The following RYK variants were observed in gnomAD, a reference collection of about 807,000 sequenced individuals.
RYK encodes inactive tyrosine-protein kinase RYK.
RYK carries 21 observed loss-of-function variants against 70.2 expected under a neutral mutation model. The ratio of observed to expected loss-of-function variants is 0.30; its 90% confidence interval spans 0.21 to 0.43. The LOEUF (loss-of-function observed/expected upper bound fraction) is 0.43, where lower values mean the gene tolerates loss of function less well. Ranked by LOEUF, RYK falls within the 20% of genes least tolerant of loss-of-function variation. The pLI is 1.00. For synonymous variants in RYK, 267 were observed against 278.0 expected (o/e 0.96, Z 0.39); for missense variants, 604 against 753.3 (o/e 0.80, Z 2.32).
intron 10 of RYK, 112 bp downstream of exon 10, chr3:134,182,890 G>A (rs1252571355): frequency 1.3e-5 from 7 of 550,420 alleles, no homozygotes; most frequent in Non-Finnish European, 2.1e-5. Flanking sequence ...AAAAAATTAA[G>A]CTATTCCACA....
intron 6 of RYK, among the ~76,000 whole-genome samples, chr3:134,198,807 T>C (rs559607500): frequency 6.6e-6 from 1 of 152,346 alleles, no homozygotes; most frequent in South Asian, 2.1e-4. Flanking sequence ...AAATAGTTAC[T>C]GAGTATTTTA....
chr3:134,209,095 A>G (rs890082740), intron 4 of RYK, among the ~76,000 whole-genome samples: 2 of 152,140 alleles, frequency 1.3e-5, no homozygotes, highest in Admixed American at 1.3e-4. Context: ...TATCCACTCG[A>G]TTTCTTCAGT....
intron 10 of RYK, chr3:134,178,510 C>CAAAA (rs761026867): frequency 6.7e-6 from 1 of 150,126 alleles, no homozygotes; most frequent in East Asian, 1.9e-4. Context: ...ATATGATCAT[C>CAAAA]AAAAAAGGTC....
chr3:134,196,581 A>AC (rs1560012068), intron 6 of RYK, among the ~76,000 whole-genome samples: 2 of 106,538 alleles, frequency 1.9e-5, no homozygotes, highest in African/African-American at 6.5e-5. Context: ...CTCTGAAACA[A>AC]AACACACACA....
chr3:134,166,665 G>GGGCT (rs1288761419), intron 13 of RYK, among the ~76,000 whole-genome samples: 5 of 152,088 alleles, frequency 3.3e-5, no homozygotes, highest in African/African-American at 4.8e-5. Context: ...CAGAACACTG[G>GGGCT]GGCTATCTGA....
chr3:134,224,726 A>G (rs908288008), intron 1 of RYK, among the ~76,000 whole-genome samples: 1 of 152,186 alleles, frequency 6.6e-6, no homozygotes, highest in African/African-American at 2.4e-5. Flanking sequence ...TTACCGCTAG[A>G]CCAAGGAGCC....
chr3:134,234,290 C>T (rs74455985), intron 1 of RYK, among the ~76,000 whole-genome samples: 17,068 of 152,052 alleles, frequency 0.11, 1,015 homozygotes, highest in Middle Eastern at 0.16. Flanking sequence ...ACATTTGTAA[C>T]GACATTATCT....
At chr3:134,218,352 TA>T in intron 2 of RYK, among the ~76,000 whole-genome samples, 1 of 152,310 alleles carries the variant, frequency 6.6e-6, no homozygotes, top group East Asian at 1.9e-4. Flanking sequence ...GCACAGAGGA[TA>T]CCCTTTAAGG....
intron 9 of RYK, among the ~76,000 whole-genome samples, chr3:134,186,205 C>A (rs2013454806): frequency 6.6e-6 from 1 of 152,122 alleles, no homozygotes; most frequent in African/African-American, 2.4e-5. Context: ...TTCAATTTCA[C>A]AATATTTAGT....
chr3:134,177,747 T>C (rs891066321), intron 11 of RYK, among the ~76,000 whole-genome samples, 194 bp downstream of exon 11: 5 of 151,880 alleles, frequency 3.3e-5, no homozygotes, highest in African/African-American at 1.2e-4. Flanking sequence ...ATCAGCACAG[T>C]GTAAGCCTCA....
intron 13 of RYK, among the ~76,000 whole-genome samples, chr3:134,174,580 A>G (rs191240763): frequency 1.8e-4 from 28 of 152,332 alleles, no homozygotes; most frequent in African/African-American, 6.5e-4. Context: ...CTGAGTGAAC[A>G]TATGTGGGAC....
intron 13 of RYK, among the ~76,000 whole-genome samples, chr3:134,161,921 T>G (rs1183460850): frequency 6.6e-6 from 1 of 152,224 alleles, no homozygotes. Context: ...ACTGCTCTGA[T>G]AGCTAGAAGT....
At position 134,209,835 on chromosome 3, in the gene RYK, TA is replaced by T; in HGVS notation, c.455-7del. On this transcript the variant is annotated splice_region_variant and splice_polypyrimidine_tract_variant and intron_variant, in intron 3 of 14. Transcript: ENST00000623711. ...GGAAAGCTCTACCCGAAACACTGTT[TA>T]AAAAAGATAAGAAAAATATTTTACA... The T allele has an allele frequency of 1.4e-6, 2 of 1,460,690 alleles. No individual in the cohort carries two copies. Among genetic ancestry groups the T allele is most frequent in the Non-Finnish European group, 1.8e-6 (2 of 1,109,848 alleles). 90.5% of individuals were successfully genotyped at this position (1,460,690 alleles called of 1,614,324 possible).
intron 6 of RYK, among the ~76,000 whole-genome samples, chr3:134,198,471 G>T (rs981707712): frequency 6.6e-6 from 1 of 152,156 alleles, no homozygotes; most frequent in Admixed American, 6.5e-5. Flanking sequence ...TTCCAGTAAG[G>T]ATTTTTTTTG....
intron 5 of RYK, among the ~76,000 whole-genome samples, chr3:134,207,000 T>C (rs2014232333): frequency 6.6e-6 from 1 of 152,150 alleles, no homozygotes; most frequent in South Asian, 2.1e-4. Flanking sequence ...AAGAAGTTTG[T>C]AATAATATCT....
chr3:134,189,055 G>A, intron 8 of RYK, 132 bp from the exon 9 acceptor site: 1 of 506,812 alleles, frequency 2.0e-6, no homozygotes, highest in Non-Finnish European at 3.4e-6. Context: ...TAGCCCTAGA[G>A]TAAAAAGACC....
intron 13 of RYK, among the ~76,000 whole-genome samples, chr3:134,174,259 A>C (rs2013022554): frequency 1.3e-5 from 2 of 152,214 alleles, no homozygotes; most frequent in Admixed American, 6.5e-5. Flanking sequence ...TGGCCTCAGA[A>C]GTGAACCACG....
At chr3:134,211,715 G>T in intron 2 of RYK, 108 bp from the exon 3 acceptor site, 2 of 662,668 alleles carry the variant, frequency 3.0e-6, no homozygotes, top group Non-Finnish European at 5.2e-6. Context: ...CCTTTCATAT[G>T]TACAAATAAT....
intron 6 of RYK, 179 bp downstream of exon 6, chr3:134,202,551 A>G: frequency 1.9e-6 from 1 of 530,378 alleles, no homozygotes; most frequent in Non-Finnish European, 3.2e-6. Context: ...ATTTTTAAAA[A>G]ATAAAAATAA....
Sources: gnomAD v4.1 joint callset for allele counts (sites outside exome capture counted in the v4.1 genomes callset) on GRCh38, gnomAD v4.1.1 for gene constraint, MANE v1.5 for transcripts, NCBI Gene and HGNC (gene_info 2026-07-23, HGNC 2026-07-21) for gene names.